LAMC3: variants seen among roughly 807,000 people sequenced by gnomAD.
LAMC3 encodes laminin subunit gamma-3.
Under a neutral mutation model 173.8 loss-of-function variants are expected in LAMC3, and 128 were observed. That is an observed-to-expected ratio of 0.74 (90% confidence interval 0.64 to 0.85). LAMC3 has a LOEUF of 0.85. Ranked by LOEUF, LAMC3 falls within the 40% of genes least tolerant of loss-of-function variation. The pLI is 0.00. For synonymous variants in LAMC3, 897 were observed against 909.1 expected (o/e 0.99, Z 0.24); for missense variants, 2,022 against 2,156.0 (o/e 0.94, Z 1.23).
rs71501242 is a variant in LAMC3, at chr9:131,046,518, ATTTTTTTTTT to A, written c.1519+875_1519+884del. ...ACCACCATGCCGAGCTAATTTTTGT[ATTTTTTTTTT>A]TTTTTTTTTTTTTTTTGTACAGACG... On this transcript the variant is annotated intron_variant, in intron 8 of 27. Coordinates refer to ENST00000361069, the MANE Select transcript of LAMC3 (RefSeq NM_006059.4). 5.5e-4 allele frequency among the ~76,000 whole-genome samples: 27 copies of A among 49,162 alleles called. 1 individual carries two copies. The South Asian group carries it at 0.017, about 31-fold the overall frequency. The allele number at this position is 49,162 out of a possible 152,430, so 32.3% of individuals were successfully genotyped here.
At position 131,072,436 on chromosome 9, in the gene LAMC3, G is replaced by A. The variant is rs574677695; in HGVS notation, c.3212-194G>A. ...ACTGACTTGCTGTGGGTAGGACCTCGGGTCATGTTTGCCTTCTCTGGGCCT... is the reference window on the plus strand; with the variant it reads ...ACTGACTTGCTGTGGGTAGGACCTCAGGTCATGTTTGCCTTCTCTGGGCCT... On this transcript the variant is annotated intron_variant, in intron 18 of 27. Coordinates refer to ENST00000361069, the MANE Select transcript of LAMC3 (RefSeq NM_006059.4). Among the ~76,000 whole-genome samples, 209 of 152,266 alleles carry A rather than the reference G, an allele frequency of 1.4e-3. 1 individual carries two copies. The highest frequency in any genetic ancestry group is 3.4e-3 in the Middle Eastern group (1 of 294).
intron 22 of LAMC3, 73 bp from the exon 23 acceptor site, chr9:131,079,076 C>T: frequency 1.9e-6 from 3 of 1,565,018 alleles, no homozygotes; most frequent in Non-Finnish European, 2.6e-6. Context: ...CAGCAGGGCA[C>T]CTCCCCCAAG....
rs1564377334 is a variant in LAMC3, at chr9:131,052,940, C to CG, written c.1915dup (p.Val639GlyfsTer15). ...CCAACCTGACCAGCCTCCGCCTCCG[C>CG]GTCAGTCCCGGCCCCAGCCCTGCCG... On this transcript the variant is annotated frameshift_variant, in exon 11 of 28. Coordinates refer to ENST00000361069, the MANE Select transcript of LAMC3 (RefSeq NM_006059.4). LOFTEE classifies it high-confidence loss of function. 5 of 1,613,378 alleles carry CG rather than the reference C, an allele frequency of 3.1e-6. No individual in the cohort carries two copies.
At chr9:131,051,894 C>G (rs1359487994) in intron 9 of LAMC3, among the ~76,000 whole-genome samples, 1 of 152,096 alleles carries the variant, frequency 6.6e-6, no homozygotes, top group African/African-American at 2.4e-5. Flanking sequence ...AAATGATGGG[C>G]TGATGCAGTG....
rs2133290929 is a variant in LAMC3 at position 131,056,940 on chromosome 9, C to T, written c.1951C>T (p.Leu651=). ...TTCTCGCTCTGCAGGTCCAGTGTTC[C>T]TGACTGAGGTCCGGCTCACATCCGC... ...PGPSPAGPVF[L]TEVRLTSARP... is the part of the protein sequence containing the mutation. Residue 651 remains leucine (L), a synonymous_variant, in exon 12 of 28, where the codon CTG becomes TTG. Transcript: ENST00000361069. 2 of 1,612,756 alleles carry T rather than the reference C, an allele frequency of 1.2e-6. No homozygotes were observed. Among genetic ancestry groups the T allele is most frequent in the South Asian group, 1.1e-5 (1 of 91,090 alleles).
At chr9:131,062,019 C>T (rs1166704106) in intron 13 of LAMC3, among the ~76,000 whole-genome samples, 1 of 152,010 alleles carries the variant, frequency 6.6e-6, no homozygotes, top group African/African-American at 2.4e-5. Flanking sequence ...CCACTGCACT[C>T]CAGCCTGGGT....
intron 6 of LAMC3, 116 bp from the exon 7 acceptor site, chr9:131,041,516 GTTACC>G (rs1834056938): frequency 3.5e-6 from 3 of 856,760 alleles, no homozygotes; most frequent in Non-Finnish European, 5.7e-6. Flanking sequence ...AGCCAGGTCA[GTTACC>G]TGCGTCAGCC....
At chr9:131,074,669 C>G (rs1438185148) in intron 20 of LAMC3, among the ~76,000 whole-genome samples, 1 of 147,372 alleles carries the variant, frequency 6.8e-6, no homozygotes, top group Non-Finnish European at 1.5e-5. Context: ...GCACTCCAGC[C>G]TGGGCAATAG....
At chr9:131,044,109 C>A (rs1016038307) in intron 7 of LAMC3, among the ~76,000 whole-genome samples, 2 of 151,916 alleles carry the variant, frequency 1.3e-5, no homozygotes, top group Non-Finnish European at 2.9e-5. Flanking sequence ...TAGGCACCCA[C>A]CACCACGCCT....
chr9:131,055,423 CTTTTTTTTTT>C (rs56220728), intron 11 of LAMC3, among the ~76,000 whole-genome samples: 1 of 109,222 alleles, frequency 9.2e-6, no homozygotes. Flanking sequence ...TCTTTTCTTT[CTTTTTTTTTT>C]TTTTTTTTTG....
In LAMC3 at chr9:131,083,865, C is replaced by CT. The variant is rs61109597; in HGVS notation, c.4031-1632dup. Among the ~76,000 whole-genome samples the CT allele has an allele frequency of 8.1e-3, 400 of 49,272 alleles. 72 individuals carry two copies. The highest frequency in any genetic ancestry group is 0.04 in the Middle Eastern group (2 of 50). 32.3% of individuals were successfully genotyped at this position (49,272 alleles called of 152,430 possible). On this transcript the variant is annotated intron_variant, in intron 24 of 27. Coordinates refer to ENST00000361069, the MANE Select transcript of LAMC3 (RefSeq NM_006059.4). The stretch of plus-strand genomic sequence containing the variant: ...TTTACTTTGTCCACTGTAATAAGTG[C>CT]TTTTTTTTTTTTTTTTTTTTTTTTT...
chr9:131,024,183 TCA>T, intron 1 of LAMC3, among the ~76,000 whole-genome samples: 1 of 149,544 alleles, frequency 6.7e-6, no homozygotes, highest in African/African-American at 2.5e-5. Context: ...TCTTGCTCTG[TCA>T]CCCAGGCTGG....
At chr9:131,020,764 C>G (rs546060553) in intron 1 of LAMC3, among the ~76,000 whole-genome samples, 1 of 152,136 alleles carries the variant, frequency 6.6e-6, no homozygotes. Context: ...AGGTCACTTG[C>G]GAGAAGGAGG....
At position 131,061,188 on chromosome 9, in the gene LAMC3, A is replaced by T; in HGVS notation, c.2312A>T (p.Glu771Val). Residue 771 changes from glutamate to valine, a missense_variant, in exon 13 of 28, where the codon GAG (glutamate) becomes GTG (valine). Glu to Val is a moderately radical substitution (Grantham distance 121). Coordinates refer to ENST00000361069, the MANE Select transcript of LAMC3 (RefSeq NM_006059.4). ...SACTTIPESR[E>V]VVCTHCPPGQ... is the part of the protein sequence containing the mutation. ...TGTACGACCATCCCAGAGAGCCGGG[A>T]GGTGGTGTGTACCCACTGCCCCCCG... 6.2e-7 allele frequency: 1 copy of T among 1,610,042 alleles called. No individual in the cohort carries two copies. Among genetic ancestry groups the T allele is most frequent in the African/African-American group, 1.3e-5 (1 of 75,002 alleles).
intron 1 of LAMC3, among the ~76,000 whole-genome samples, chr9:131,011,244 A>G (rs147757391): frequency 1.3e-5 from 2 of 152,188 alleles, no homozygotes; most frequent in East Asian, 3.8e-4. Flanking sequence ...TTCAATTCCC[A>G]AACACATTTG....
At chr9:131,079,909 A>G (rs1830207616) in intron 23 of LAMC3, among the ~76,000 whole-genome samples, 1 of 152,156 alleles carries the variant, frequency 6.6e-6, no homozygotes, top group Non-Finnish European at 1.5e-5. Context: ...TCTCTAGTTC[A>G]TTCATGGCTC....
chr9:131,028,526 C>T (rs1588141087), intron 2 of LAMC3, among the ~76,000 whole-genome samples: 1 of 152,204 alleles, frequency 6.6e-6, no homozygotes, highest in Admixed American at 6.5e-5. Flanking sequence ...TGAGAACACA[C>T]GGAGCCGGCC....
intron 1 of LAMC3, among the ~76,000 whole-genome samples, chr9:131,020,081 G>A (rs1364263043): frequency 6.6e-6 from 1 of 152,108 alleles, no homozygotes; most frequent in Non-Finnish European, 1.5e-5. Flanking sequence ...ACAAAACAAA[G>A]CCCTATAATT....
chr9:131,064,588 C>T (rs1829890329), intron 13 of LAMC3, among the ~76,000 whole-genome samples: 1 of 150,010 alleles, frequency 6.7e-6, no homozygotes, highest in Admixed American at 6.7e-5. Flanking sequence ...GCGTGAACCC[C>T]GGGGGGCGGA....
Sources: allele counts gnomAD v4.1 joint callset (sites outside exome capture counted in the v4.1 genomes callset), GRCh38; gene constraint gnomAD v4.1.1; transcripts MANE v1.5; gene names NCBI Gene and HGNC (gene_info 2026-07-23, HGNC 2026-07-21).